Variants in AP3S2 observed in about 807,000 individuals in gnomAD.
AP3S2 encodes the protein adaptor related protein complex 3 subunit sigma 2, also known as AP-3 complex subunit sigma-2.
In AP3S2, 22 loss-of-function variants were observed where a neutral mutation model predicts 23.4. The observed-to-expected ratio is 0.94, with a 90% CI of 0.67 to 1.34. The LOEUF is 1.34. Among genes scored for constraint, AP3S2 ranks in the 40% most tolerant of loss-of-function variants. The pLI is 0.00. For synonymous variants in AP3S2, 86 were observed against 87.1 expected, an observed-to-expected ratio of 0.99 and a Z score of 0.07; for missense variants, 241 against 236.9, an observed-to-expected ratio of 1.02 and a Z score of -0.11.
At chr15:89,836,513 GAGA>G (rs1429864461) in intron 5 of AP3S2, among the ~76,000 whole-genome samples, 1 of 152,190 alleles carries the variant, frequency 6.6e-6, no homozygotes, top group African/African-American at 2.4e-5. Context: ...AACAAGCTGG[GAGA>G]AGGTGGGGGG....
At chr15:89,876,836 T>G (rs902697359) in intron 3 of AP3S2, 1 of 157,746 alleles carries the variant, frequency 6.3e-6, no homozygotes, top group African/African-American at 2.4e-5. Flanking sequence ...CTAGAGATTT[T>G]GTTCTCAATG....
At position 89,858,515 on chromosome 15, in the gene AP3S2, G is replaced by GAA. The variant is rs750076435; in HGVS notation, c.345+12959_345+12960insTT. ...AGAAAGAGAGAGAGAGAGAGAGAGA[G>GAA]AGAGAGAGAGAAAGAAAGAAAGAAA... On this transcript the variant is annotated intron_variant, in intron 4 of 5. Transcript: ENST00000336418. 3.9e-4 allele frequency among the ~76,000 whole-genome samples: 18 copies of GAA among 46,254 alleles called. No homozygotes were observed. In the East Asian group the frequency reaches 9.5e-3, roughly 24 times the overall value. 30.3% of individuals were successfully genotyped at this position (46,254 alleles called of 152,430 possible).
chr15:89,868,054 G>A (rs1189043117), intron 4 of AP3S2, among the ~76,000 whole-genome samples: 41 of 124,160 alleles, frequency 3.3e-4, no homozygotes, highest in Middle Eastern at 6.1e-3. Flanking sequence ...CTGCCCGGCC[G>A]CCCCTACTGG....
At position 89,862,506 on chromosome 15, in the gene AP3S2, T is replaced by C. The variant is rs531812211; in HGVS notation, c.345+8969A>G. Among the ~76,000 whole-genome samples the C allele has an allele frequency of 5.9e-5, 9 of 152,278 alleles. No homozygotes were observed. In the East Asian group the frequency reaches 1.5e-3, roughly 26 times the overall value. The stretch of plus-strand genomic sequence containing the variant: ...AATCGTTCAGGAAAAAAAGTATATA[T>C]GTATATAGACATAAAAGCAAGTATG... On this transcript the variant is annotated intron_variant, in intron 4 of 5. Transcript: ENST00000336418.
At chr15:89,861,676 G>A (rs139535710) in intron 4 of AP3S2, among the ~76,000 whole-genome samples, 183 of 152,152 alleles carry the variant, frequency 1.2e-3, no homozygotes, top group Middle Eastern at 0.01. Context: ...TGAGACTAGA[G>A]TCCTGGGAAC....
At chr15:89,838,626 A>G (rs1056114236) in intron 4 of AP3S2, among the ~76,000 whole-genome samples, 1 of 152,190 alleles carries the variant, frequency 6.6e-6, no homozygotes, top group African/African-American at 2.4e-5. Flanking sequence ...ATGGCCCTCA[A>G]GGTGCTTTCG....
chr15:89,865,707 T>G (rs1374806579), intron 4 of AP3S2: 2 of 152,154 alleles, frequency 1.3e-5, no homozygotes, highest in Non-Finnish European at 2.9e-5. Flanking sequence ...TTAAGAGAAA[T>G]AGATGTTTCA....
intron 5 of AP3S2, 128 bp downstream of exon 5, chr15:89,837,487 A>C (rs967037533): frequency 4.6e-6 from 5 of 1,079,726 alleles, no homozygotes; most frequent in African/African-American, 1.6e-5. Context: ...CAATGGACTC[A>C]AGGAAGAAAG....
intron 4 of AP3S2, among the ~76,000 whole-genome samples, chr15:89,870,230 A>T (rs1338534208): frequency 6.6e-6 from 1 of 152,154 alleles, no homozygotes; most frequent in Non-Finnish European, 1.5e-5. Context: ...TTAACATATG[A>T]AAAGTACAAA....
intron 3 of AP3S2, among the ~76,000 whole-genome samples, chr15:89,880,215 A>G (rs1192046428): frequency 6.6e-6 from 1 of 152,138 alleles, no homozygotes; most frequent in Non-Finnish European, 1.5e-5. Flanking sequence ...CAAGAGGGAA[A>G]TGCTAACTGT....
At chr15:89,885,934 C>CAAAAAAAAAAAAAAAAAAAAAATAAA (rs1567188425) in intron 3 of AP3S2, among the ~76,000 whole-genome samples, 1 of 104,926 alleles carries the variant, frequency 9.5e-6, no homozygotes, top group Non-Finnish European at 1.9e-5. Flanking sequence ...GACCTTGTCT[C>CAAAAAAAAAAAAAAAAAAAAAATAAA]AAAAAAAAAA....
intron 4 of AP3S2, among the ~76,000 whole-genome samples, chr15:89,855,833 A>G (rs1461130795): frequency 6.8e-6 from 1 of 147,858 alleles, no homozygotes; most frequent in Non-Finnish European, 1.5e-5. Flanking sequence ...CTGGGCAACA[A>G]GAGGGAAACT....
At position 89,888,617 on chromosome 15, in the gene AP3S2, A is replaced by G; in HGVS notation, c.177T>C (p.Ser59=). 1 of 1,614,210 alleles carries G rather than the reference A, an allele frequency of 6.2e-7. No individual in the cohort carries two copies. The highest frequency in any genetic ancestry group is 8.5e-7 in the Non-Finnish European group (1 of 1,180,032). The change falls in exon 3 of 6, where the codon TCT becomes TCC. Residue 59 remains serine (S), a synonymous_variant. Transcript: ENST00000336418. ...FLEGGSLIGG[S]DYKLIYRHYA... ...AGTGCCGGTAGATCAGTTTGTAGTC[A>G]GAGCCACCAATCAAACTGCAGAAGA...
intron 3 of AP3S2, chr15:89,877,160 A>C: frequency 4.7e-6 from 2 of 425,922 alleles, no homozygotes; most frequent in Non-Finnish European, 8.9e-6. Context: ...AAGTTAGAAG[A>C]CTTTGAAGCA....
intron 5 of AP3S2, 95 bp from the exon 6 acceptor site, chr15:89,835,738 A>C: frequency 4.1e-6 from 6 of 1,474,216 alleles, no homozygotes; most frequent in Non-Finnish European, 4.5e-6. Context: ...AACAAAAACA[A>C]ACAAGCAGGA....
At chr15:89,876,645 C>T (rs1896449003) in intron 3 of AP3S2, 1 of 152,880 alleles carries the variant, frequency 6.5e-6, no homozygotes, top group Non-Finnish European at 1.5e-5. Context: ...TCCAGTTCAT[C>T]TCTCTTCAGA....
chr15:89,877,994 C>T (rs182342257), intron 3 of AP3S2, among the ~76,000 whole-genome samples: 1 of 152,212 alleles, frequency 6.6e-6, no homozygotes, highest in East Asian at 1.9e-4. Flanking sequence ...TTCGTGAATT[C>T]TACTTTTTGA....
chr15:89,853,637 C>T (rs995971307), intron 4 of AP3S2, among the ~76,000 whole-genome samples: 4 of 140,650 alleles, frequency 2.8e-5, no homozygotes, highest in Admixed American at 7.2e-5. Flanking sequence ...CGTCTCCGCC[C>T]GGCCGCCATC....
intron 4 of AP3S2, among the ~76,000 whole-genome samples, chr15:89,841,201 T>C (rs570386079): frequency 4.6e-5 from 7 of 152,326 alleles, no homozygotes; most frequent in African/African-American, 1.7e-4. Context: ...AAACTTCTTA[T>C]TTAACACTGC....
Sources: gnomAD v4.1 joint callset for allele counts (sites outside exome capture counted in the v4.1 genomes callset) on GRCh38, gnomAD v4.1.1 for gene constraint, MANE v1.5 for transcripts, NCBI Gene and HGNC (gene_info 2026-07-23, HGNC 2026-07-21) for gene names.